The following SEC14L1 variants were observed in gnomAD, a reference collection of about 807,000 sequenced individuals.
SEC14L1 encodes SEC14-like protein 1.
In SEC14L1, 48 loss-of-function variants were observed where a neutral mutation model predicts 85.3. The observed-to-expected ratio is 0.56, with a 90% CI of 0.45 to 0.72. The LOEUF (loss-of-function observed/expected upper bound fraction) is 0.72, where lower values mean the gene tolerates loss of function less well. Ranked by LOEUF, SEC14L1 falls within the 30% of genes least tolerant of loss-of-function variation. The probability of loss-of-function intolerance (pLI) is 0.00; values close to 1 mark genes in which losing one functional copy is unlikely to be tolerated. For missense variants in SEC14L1, 682 were observed against 921.4 expected (o/e 0.74, Z 3.36); for synonymous variants, 391 against 355.5 (o/e 1.10, Z -1.12).
intron 3 of SEC14L1, among the ~76,000 whole-genome samples, chr17:77,106,200 C>A (rs993048883): frequency 5.3e-5 from 8 of 151,976 alleles, no homozygotes; most frequent in Admixed American, 5.2e-4. Context: ...TGGAGACCAG[C>A]CTGAGCAGCA....
chr17:77,198,776 G>A (rs1268672891), intron 8 of SEC14L1, among the ~76,000 whole-genome samples: 1 of 152,020 alleles, frequency 6.6e-6, no homozygotes, highest in Non-Finnish European at 1.5e-5. Context: ...GTTTCACTGT[G>A]TTAGCCAGGA....
intron 11 of SEC14L1, among the ~76,000 whole-genome samples, chr17:77,205,730 A>G (rs1162932439): frequency 6.6e-6 from 1 of 152,208 alleles, no homozygotes; most frequent in Non-Finnish European, 1.5e-5. Context: ...ATAAGGGTGT[A>G]GATGGTTCAC....
In SEC14L1 at chr17:77,191,276, C is replaced by T; in HGVS notation, c.309C>T (p.Ser103=). ...TTGAGGCTTATAATGAAACGTTTTC[C>T]AATCGGGTCATCATTAATGAGCATT... ...LHIEAYNETF[S]NRVIINEHCC... is the part of the protein sequence containing the mutation. Residue 103 remains serine (S), a synonymous_variant, in exon 5 of 17, where the codon TCC becomes TCT. Coordinates refer to ENST00000436233, the MANE Select transcript of SEC14L1 (RefSeq NM_001143998.2). The T allele has an allele frequency of 6.2e-7, 1 of 1,614,056 alleles. No homozygotes were observed.
rs893087206 is a variant in SEC14L1 at position 77,092,869 on chromosome 17, A to C, written c.-239-375A>C. Among the ~76,000 whole-genome samples the C allele has an allele frequency of 8.0e-5, 12 of 149,814 alleles. No homozygotes were observed. In the Admixed American group the frequency reaches 8.2e-4, roughly 10 times the overall value. On this transcript the variant is annotated intron_variant, in intron 2 of 19. Transcript: ENST00000392476. ...AGGCTGAGGCAGGAGAATTGCTTGA[A>C]CCCGGGAGGCGGAGGTTGCGGTGAG...
chr17:77,136,154 C>T (rs780940323), upstream of SEC14L1, among the ~76,000 whole-genome samples: 14 of 151,990 alleles, frequency 9.2e-5, no homozygotes, highest in South Asian at 2.1e-4. Flanking sequence ...AGATTACAGG[C>T]GTGAGCCACT....
chr17:77,143,070 T>C (rs1435437952), intron 2 of SEC14L1, among the ~76,000 whole-genome samples: 1 of 152,082 alleles, frequency 6.6e-6, no homozygotes, highest in Admixed American at 6.6e-5. Flanking sequence ...AAGCTAGCTT[T>C]TGAGGAGTAT....
chr17:77,117,409 C>A (rs756039303), intron 3 of SEC14L1, among the ~76,000 whole-genome samples: 1 of 152,118 alleles, frequency 6.6e-6, no homozygotes, highest in African/African-American at 2.4e-5. Flanking sequence ...ACAGAGGCAC[C>A]GTTGGGGTGC....
chr17:77,120,308 C>T (rs180982492), intron 3 of SEC14L1, among the ~76,000 whole-genome samples: 93 of 152,268 alleles, frequency 6.1e-4, no homozygotes, highest in Non-Finnish European at 1.1e-3. Flanking sequence ...TTGCCACTCA[C>T]GTAGGAGCTC....
intron 5 of SEC14L1, 32 bp downstream of exon 5, chr17:77,191,344 C>A: frequency 6.2e-7 from 1 of 1,612,568 alleles, no homozygotes; most frequent in South Asian, 1.1e-5. Context: ...GGAAGATGTT[C>A]TGCCGACATA....
chr17:77,149,962 A>G (rs986668988), intron 3 of SEC14L1, among the ~76,000 whole-genome samples: 5 of 151,862 alleles, frequency 3.3e-5, no homozygotes, highest in Admixed American at 6.6e-5. Flanking sequence ...TAACCAAAAA[A>G]CCTGCTTACC....
intron 3 of SEC14L1, among the ~76,000 whole-genome samples, chr17:77,133,938 CAAA>C (rs539944837): frequency 4.3e-5 from 4 of 93,800 alleles, no homozygotes; most frequent in Non-Finnish European, 4.0e-5. Context: ...GACTCCATCT[CAAA>C]AAAAAAAAAA....
At chr17:77,173,330 A>G (rs1974602480) in intron 3 of SEC14L1, among the ~76,000 whole-genome samples, 1 of 149,664 alleles carries the variant, frequency 6.7e-6, no homozygotes, top group South Asian at 2.1e-4. Context: ...GAATGATTCC[A>G]GGAGTTAGGA....
At chr17:77,160,240 C>G (rs1973999757) in intron 3 of SEC14L1, among the ~76,000 whole-genome samples, 2 of 152,216 alleles carry the variant, frequency 1.3e-5, no homozygotes, top group African/African-American at 4.8e-5. Flanking sequence ...AAGCTGACAG[C>G]TGCAGTTCCC....
chr17:77,107,741 A>C (rs1474059817), intron 3 of SEC14L1, among the ~76,000 whole-genome samples: 6 of 152,262 alleles, frequency 3.9e-5, no homozygotes, highest in Middle Eastern at 3.4e-3. Flanking sequence ...AGGCTTCTCC[A>C]CAGTGGCGTT....
rs1438896395 is a variant in SEC14L1 at position 77,214,628 on chromosome 17, T to C, written c.*605T>C. The C allele has an allele frequency of 6.1e-6, 6 of 985,792 alleles. No individual in the cohort carries two copies. The highest frequency in any genetic ancestry group is 7.2e-6 in the Non-Finnish European group (6 of 830,300). The allele number at this position is 985,792 out of a possible 1,614,324, so 61.1% of individuals were successfully genotyped here. ...ACCCACACCACCCACTGTCCTGCAG[T>C]GGGGCCGGGGGCTCAGGAGGGGCTC... On this transcript the variant is annotated 3_prime_UTR_variant, in exon 17 of 17. Coordinates refer to ENST00000436233, the MANE Select transcript of SEC14L1 (RefSeq NM_001143998.2).
chr17:77,183,965 T>C (rs2143756000), intron 3 of SEC14L1, among the ~76,000 whole-genome samples: 1 of 152,356 alleles, frequency 6.6e-6, no homozygotes, highest in African/African-American at 2.4e-5. Flanking sequence ...TTTGTATTTT[T>C]AGTAGAAACA....
At chr17:77,155,390 C>T (rs62078301) in intron 3 of SEC14L1, among the ~76,000 whole-genome samples, 54,306 of 152,110 alleles carry the variant, frequency 0.36, 9,943 homozygotes, top group South Asian at 0.43. Context: ...CTCTCCCTTT[C>T]CCCTGAGCTG....
At chr17:77,167,869 T>C (rs1005264841) in intron 3 of SEC14L1, among the ~76,000 whole-genome samples, 2 of 152,194 alleles carry the variant, frequency 1.3e-5, no homozygotes, top group African/African-American at 2.4e-5. Flanking sequence ...AAACCAGTAT[T>C]GAGACAAATT....
At chr17:77,109,609 T>C (rs1342056729) in intron 3 of SEC14L1, among the ~76,000 whole-genome samples, 1 of 152,122 alleles carries the variant, frequency 6.6e-6, no homozygotes, top group Non-Finnish European at 1.5e-5. Flanking sequence ...AGTGCAGGAG[T>C]TTAGTCCAAA....
Sources: gnomAD v4.1 joint callset for allele counts (sites outside exome capture counted in the v4.1 genomes callset) on GRCh38, gnomAD v4.1.1 for gene constraint, MANE v1.5 for transcripts, NCBI Gene and HGNC (gene_info 2026-07-23, HGNC 2026-07-21) for gene names.